SNX29: variants seen among roughly 807,000 people sequenced by gnomAD.
SNX29 encodes the protein sorting nexin 29, also known as sorting nexin-29.
Under a neutral mutation model 102.1 loss-of-function variants are expected in SNX29, and 78 were observed. That is an observed-to-expected ratio of 0.76 (90% CI 0.64 to 0.92). The LOEUF is 0.92. Among genes scored for constraint, SNX29 ranks in the 40% least tolerant of loss-of-function variants. The pLI, the probability that SNX29 is intolerant of heterozygous loss-of-function variation, is 0.00. For missense variants in SNX29, 1,280 were observed against 1,061.7 expected (o/e 1.21, Z -2.86); for synonymous variants, 580 against 414.5 (o/e 1.40, Z -4.85).
At position 12,394,508 on chromosome 16, in the gene SNX29, A is replaced by AT. The variant is rs142182094; in HGVS notation, c.1900-3931dup. The stretch of plus-strand genomic sequence containing the variant: ...AATGGCTTTTTAAAAAAACTTGGCT[A>AT]TTTTTTTATCTCTCATGATTCTGTG... On this transcript the variant is annotated intron_variant, in intron 16 of 20. Coordinates refer to ENST00000566228, the MANE Select transcript of SNX29 (RefSeq NM_032167.5). Among the ~76,000 whole-genome samples, 411 of 152,194 alleles carry AT rather than the reference A, an allele frequency of 2.7e-3. 14 individuals are homozygous for AT. In the East Asian group the frequency reaches 0.054, roughly 20 times the overall value.
At chr16:12,281,753 T>C (rs879331892) in intron 15 of SNX29, among the ~76,000 whole-genome samples, 2 of 152,046 alleles carry the variant, frequency 1.3e-5, no homozygotes, top group African/African-American at 4.8e-5. Flanking sequence ...TTAGTAACTT[T>C]CCCAAGAGTC....
intron 11 of SNX29, 71 bp from the exon 12 acceptor site, chr16:12,126,562 C>G: frequency 1.3e-6 from 2 of 1,492,810 alleles, no homozygotes; most frequent in Non-Finnish European, 1.9e-6. Flanking sequence ...AGCATATAAT[C>G]CAGAGAGGTG....
intron 19 of SNX29, among the ~76,000 whole-genome samples, chr16:12,488,400 C>G (rs1021455829): frequency 6.6e-6 from 1 of 152,092 alleles, no homozygotes; most frequent in Admixed American, 6.5e-5. Context: ...CATACTCCAT[C>G]GCATCACGGT....
At chr16:12,185,932 T>C (rs1229045597) in intron 13 of SNX29, among the ~76,000 whole-genome samples, 2 of 152,192 alleles carry the variant, frequency 1.3e-5, no homozygotes, top group Non-Finnish European at 2.9e-5. Flanking sequence ...TCAAAGTGTT[T>C]CCTAGGTTCT....
At chr16:12,006,164 A>G (rs1352152189) in intron 3 of SNX29, among the ~76,000 whole-genome samples, 3 of 151,574 alleles carry the variant, frequency 2.0e-5, no homozygotes, top group East Asian at 3.9e-4. Context: ...TGATCGTGCC[A>G]TTGCATTCTA....
intron 13 of SNX29, among the ~76,000 whole-genome samples, chr16:12,158,943 C>T (rs778759742): frequency 2.7e-4 from 41 of 152,128 alleles, no homozygotes; most frequent in African/African-American, 9.7e-4. Context: ...TTGCCTGTGG[C>T]GTGGAATCAT....
chr16:12,136,160 G>A (rs2054651949), intron 13 of SNX29, among the ~76,000 whole-genome samples: 1 of 152,214 alleles, frequency 6.6e-6, no homozygotes. Flanking sequence ...GTTGTCAGTG[G>A]TATGGCCGGG....
chr16:12,524,650 C>A, intron 19 of SNX29, 52 bp from the exon 20 acceptor site: 2 of 1,590,082 alleles, frequency 1.3e-6, no homozygotes, highest in South Asian at 1.1e-5. Flanking sequence ...AGGGTCATTT[C>A]TGACCAGGTG....
intron 2 of SNX29, among the ~76,000 whole-genome samples, chr16:12,000,077 C>T (rs2056232214): frequency 6.6e-6 from 1 of 152,136 alleles, no homozygotes; most frequent in Non-Finnish European, 1.5e-5. Flanking sequence ...TCCTCTGCTG[C>T]TGCCCCCAGC....
intron 20 of SNX29, among the ~76,000 whole-genome samples, chr16:12,554,064 G>C (rs2856787): frequency 0.046 from 7,008 of 152,240 alleles, 309 homozygotes; most frequent in East Asian, 0.19. Flanking sequence ...GACCTCAAAT[G>C]ATCCTCTCAC....
At chr16:12,469,075 C>A (rs2087213262) in intron 18 of SNX29, among the ~76,000 whole-genome samples, 1 of 152,224 alleles carries the variant, frequency 6.6e-6, no homozygotes, top group African/African-American at 2.4e-5. Context: ...AAAGCACAGA[C>A]TGGCTGGGTC....
At chr16:12,068,855 C>A (rs749619464) in intron 9 of SNX29, among the ~76,000 whole-genome samples, 8 of 152,180 alleles carry the variant, frequency 5.3e-5, no homozygotes, top group Non-Finnish European at 1.2e-4. Context: ...CTTTCTGCTT[C>A]TACAGTGACT....
intron 16 of SNX29, among the ~76,000 whole-genome samples, chr16:12,365,818 G>A (rs1172445538): frequency 2.0e-5 from 3 of 151,418 alleles, no homozygotes; most frequent in Non-Finnish European, 1.5e-5. Context: ...CGAGGCAGGC[G>A]GATCATGAGG....
chr16:12,342,880 C>G (rs1301601913), intron 15 of SNX29, among the ~76,000 whole-genome samples: 1 of 152,216 alleles, frequency 6.6e-6, no homozygotes, highest in African/African-American at 2.4e-5. Flanking sequence ...TCATGAATTA[C>G]TGCTTGGCAC....
chr16:12,320,480 G>C (rs2080897081), intron 15 of SNX29, among the ~76,000 whole-genome samples: 1 of 152,220 alleles, frequency 6.6e-6, no homozygotes, highest in Admixed American at 6.5e-5. Flanking sequence ...CAAGCTGTGG[G>C]AAGCAGAGGT....
rs1025972586 is a variant in SNX29, at chr16:12,569,594, G to T, written c.*965G>T. On this transcript the variant is annotated 3_prime_UTR_variant, in exon 21 of 21. Transcript: ENST00000566228. ...ACTAAAAACATTTTCCATCCCGTCT[G>T]CCCCCGACATTGTCCTTGATAACAG... 8.7e-6 allele frequency: 2 copies of T among 229,580 alleles called. No homozygotes were observed. The highest frequency in any genetic ancestry group is 1.7e-5 in the Non-Finnish European group (2 of 116,114). 14.2% of individuals were successfully genotyped at this position (229,580 alleles called of 1,614,324 possible).
At chr16:12,472,254 C>T (rs1047000662) in intron 18 of SNX29, among the ~76,000 whole-genome samples, 23 of 152,144 alleles carry the variant, frequency 1.5e-4, no homozygotes, top group African/African-American at 5.6e-4. Flanking sequence ...GGGGTGGTGG[C>T]TCACGCCTGT....
In SNX29 at chr16:12,027,540, C is replaced by A. The variant is rs892890356; in HGVS notation, c.247+96C>A. On this transcript the variant is annotated intron_variant, in intron 4 of 20. Transcript: ENST00000566228. ...TTAATAGTGGGCAGGGCAGTGATCG[C>A]GTGGGACTTGGTGGGGTGGTGTATG... The A allele has an allele frequency of 3.4e-6, 5 of 1,479,776 alleles. No homozygotes were observed. The African/African-American group carries it at 5.6e-5, about 17-fold the overall frequency. 91.7% of individuals were successfully genotyped at this position (1,479,776 alleles called of 1,614,324 possible). A position where few individuals can be genotyped will look rare whatever the true frequency, so the allele number is the denominator to read the frequency against.
chr16:12,494,328 C>T (rs933174408), intron 19 of SNX29, among the ~76,000 whole-genome samples: 7 of 152,184 alleles, frequency 4.6e-5, no homozygotes, highest in African/African-American at 1.4e-4. Flanking sequence ...CATTGGTGCA[C>T]ACGCTTGTTT....
Sources: allele counts gnomAD v4.1 joint callset (sites outside exome capture counted in the v4.1 genomes callset), GRCh38; gene constraint gnomAD v4.1.1; transcripts MANE v1.5; gene names NCBI Gene and HGNC (gene_info 2026-07-23, HGNC 2026-07-21).